The following KHDRBS2 variants were observed in gnomAD, a reference collection of about 807,000 sequenced individuals.
KHDRBS2 encodes the protein KH RNA binding domain containing, signal transduction associated 2.
Under a neutral mutation model 44.3 loss-of-function variants are expected in KHDRBS2, and 26 were observed. The observed-to-expected ratio is 0.59, with a 90% CI of 0.43 to 0.81. The LOEUF is 0.81. Among genes scored for constraint, KHDRBS2 ranks in the 40% least tolerant of loss-of-function variants. KHDRBS2 has a pLI of 0.00. For synonymous variants in KHDRBS2, 194 were observed against 151.1 expected (o/e 1.28, Z -2.08); for missense variants, 476 against 433.1 (o/e 1.10, Z -0.88).
intron 6 of KHDRBS2, among the ~76,000 whole-genome samples, chr6:61,746,952 T>C (rs1776949139): frequency 1.3e-5 from 2 of 151,170 alleles, no homozygotes; most frequent in African/African-American, 4.9e-5. Context: ...ACCTACAGAA[T>C]GGGAGAAAAT....
intron 1 of KHDRBS2, among the ~76,000 whole-genome samples, chr6:62,204,371 T>C (rs140438819): frequency 7.0e-4 from 106 of 152,308 alleles, no homozygotes; most frequent in African/African-American, 2.4e-3. Flanking sequence ...AGTAGCTTTA[T>C]GCAATGAGGT....
intron 3 of KHDRBS2, among the ~76,000 whole-genome samples, chr6:62,020,118 T>C (rs567144942): frequency 2.6e-5 from 4 of 152,150 alleles, no homozygotes; most frequent in African/African-American, 7.2e-5. Context: ...TGTTATATGT[T>C]CATATTCATT....
intron 2 of KHDRBS2, among the ~76,000 whole-genome samples, chr6:62,157,216 G>A (rs1404896323): frequency 6.6e-6 from 1 of 151,444 alleles, no homozygotes; most frequent in East Asian, 2.0e-4. Context: ...CCAGCTACTC[G>A]GGAGGCTGTG....
At chr6:61,554,330 G>GT in the KHDRBS2 span, among the ~76,000 whole-genome samples, 2,737 of 148,712 alleles carry the variant, frequency 0.018, 69 homozygotes, top group East Asian at 0.06. Flanking sequence ...AGCAACCCCT[G>GT]TTTTTTTTTC....
At chr6:61,712,772 G>T (rs189413184) in intron 7 of KHDRBS2, among the ~76,000 whole-genome samples, 35 of 151,880 alleles carry the variant, frequency 2.3e-4, no homozygotes, top group African/African-American at 5.5e-4. Flanking sequence ...ATTATTATTA[G>T]TAGTAGTAAC....
intron 4 of KHDRBS2, among the ~76,000 whole-genome samples, chr6:61,946,394 T>C (rs1813380484): frequency 6.6e-6 from 1 of 152,220 alleles, no homozygotes; most frequent in Non-Finnish European, 1.5e-5. Context: ...TCATCCATGC[T>C]GCTGTCTTGC....
intron 3 of KHDRBS2, among the ~76,000 whole-genome samples, chr6:62,044,019 A>G (rs1388698578): frequency 6.6e-6 from 1 of 152,110 alleles, no homozygotes; most frequent in African/African-American, 2.4e-5. Context: ...CTTTTTATAT[A>G]GCATAATATT....
chr6:61,574,443 A>C, the KHDRBS2 span: 1 of 1,445,444 alleles, frequency 6.9e-7, no homozygotes, highest in Non-Finnish European at 9.2e-7. Context: ...TCAATTTACC[A>C]ATGCAAACAA....
chr6:61,585,566 A>T, the KHDRBS2 span, among the ~76,000 whole-genome samples: 5 of 152,152 alleles, frequency 3.3e-5, no homozygotes, highest in African/African-American at 1.2e-4. Flanking sequence ...TGGACATCAG[A>T]TGTACCACAA....
At chr6:62,141,752 T>C (rs1336042040) in intron 2 of KHDRBS2, among the ~76,000 whole-genome samples, 1 of 152,118 alleles carries the variant, frequency 6.6e-6, no homozygotes, top group Admixed American at 6.5e-5. Flanking sequence ...CCCTTACTAA[T>C]GAAAAGGGTA....
chr6:62,202,185 T>C (rs1437724062), intron 1 of KHDRBS2, among the ~76,000 whole-genome samples: 5 of 152,088 alleles, frequency 3.3e-5, no homozygotes, highest in African/African-American at 4.8e-5. Flanking sequence ...AAACACGTTA[T>C]ACCATTCTCA....
In KHDRBS2 at chr6:61,870,446, G is replaced by A. The variant is rs552416589; in HGVS notation, c.810+24189C>T. ...GCCTGGGACAGAGCACCTGGGGGAA[G>A]GAGCGGCTGTGGGTGCAGCTTCAGC... On this transcript the variant is annotated intron_variant, in intron 6 of 8. Coordinates refer to ENST00000281156, the MANE Select transcript of KHDRBS2 (RefSeq NM_152688.4). Among the ~76,000 whole-genome samples the A allele has an allele frequency of 1.6e-3, 239 of 152,308 alleles. 1 individual carries two copies. The highest frequency in any genetic ancestry group is 2.6e-3 in the Non-Finnish European group (174 of 68,022).
At chr6:62,272,163 A>G (rs1194130550) in intron 1 of KHDRBS2, among the ~76,000 whole-genome samples, 5 of 152,194 alleles carry the variant, frequency 3.3e-5, no homozygotes, top group African/African-American at 7.2e-5. Flanking sequence ...CAATACAGTA[A>G]CATGCTGTAC....
chr6:61,552,530 A>G, the KHDRBS2 span, among the ~76,000 whole-genome samples: 1 of 151,878 alleles, frequency 6.6e-6, no homozygotes, highest in African/African-American at 2.4e-5. Flanking sequence ...GTTTTCCAGT[A>G]CTATGTTGAC....
At chr6:61,855,265 T>C (rs1310810043) in intron 6 of KHDRBS2, among the ~76,000 whole-genome samples, 4 of 152,068 alleles carry the variant, frequency 2.6e-5, no homozygotes, top group Admixed American at 6.6e-5. Flanking sequence ...GATATGAAGA[T>C]CATTTGATTT....
chr6:62,077,123 CAT>C (rs1338353057), intron 2 of KHDRBS2, among the ~76,000 whole-genome samples: 2 of 152,020 alleles, frequency 1.3e-5, no homozygotes, highest in African/African-American at 4.8e-5. Flanking sequence ...TTGAATTTAT[CAT>C]TGCAGAATAC....
intron 1 of KHDRBS2, among the ~76,000 whole-genome samples, chr6:62,233,822 T>G (rs967162890): frequency 6.6e-6 from 1 of 152,140 alleles, no homozygotes; most frequent in African/African-American, 2.4e-5. Flanking sequence ...CATGATCTCA[T>G]TTTTTATGGC....
At chr6:62,260,295 C>A (rs1838130611) in intron 1 of KHDRBS2, among the ~76,000 whole-genome samples, 2 of 151,914 alleles carry the variant, frequency 1.3e-5, no homozygotes, top group Admixed American at 1.3e-4. Context: ...GTGCCAGGTA[C>A]CTTCCTTTTA....
chr6:62,089,266 T>C (rs1386507324), intron 2 of KHDRBS2, among the ~76,000 whole-genome samples: 1 of 56,240 alleles, frequency 1.8e-5, no homozygotes. Context: ...GCCACTGGGT[T>C]ACAAAAAAAA....
Sources: gnomAD v4.1 joint callset for allele counts (sites outside exome capture counted in the v4.1 genomes callset) on GRCh38, gnomAD v4.1.1 for gene constraint, MANE v1.5 for transcripts, NCBI Gene and HGNC (gene_info 2026-07-23, HGNC 2026-07-21) for gene names.